CPNE8: variants seen among roughly 807,000 people sequenced by gnomAD.
CPNE8 encodes copine-8.
CPNE8 carries 45 observed loss-of-function variants against 81.5 expected under a neutral mutation model. That is an observed-to-expected ratio of 0.55 (90% CI 0.44 to 0.71). CPNE8 has a LOEUF of 0.71. Among genes scored for constraint, CPNE8 ranks in the 30% least tolerant of loss-of-function variants. CPNE8 has a pLI of 0.00. For missense variants in CPNE8, 594 were observed against 672.1 expected, an observed-to-expected ratio of 0.88 and a Z score of 1.28; for synonymous variants, 252 against 226.3, an observed-to-expected ratio of 1.11 and a Z score of -1.02.
intron 3 of CPNE8, among the ~76,000 whole-genome samples, chr12:38,869,672 A>G (rs1943962881): frequency 6.6e-6 from 1 of 152,060 alleles, no homozygotes; most frequent in African/African-American, 2.4e-5. Context: ...TCTCTCTTTA[A>G]TACTTTTCAC....
intron 11 of CPNE8, 88 bp downstream of exon 11, chr12:38,730,195 G>A (rs1183906053): frequency 1.2e-6 from 1 of 810,798 alleles, no homozygotes; most frequent in Non-Finnish European, 2.1e-6. Context: ...GTTAACCTTT[G>A]GCAATTATGC....
At chr12:38,802,791 T>A in intron 6 of CPNE8, among the ~76,000 whole-genome samples, 2 of 135,638 alleles carry the variant, frequency 1.5e-5, no homozygotes, top group African/African-American at 2.8e-5. Flanking sequence ...GAGAGAAGAA[T>A]CAAATAGACA....
chr12:38,689,086 G>A (rs1565568304), intron 15 of CPNE8, among the ~76,000 whole-genome samples: 1 of 152,068 alleles, frequency 6.6e-6, no homozygotes, highest in Non-Finnish European at 1.5e-5. Context: ...GTAAAACACA[G>A]GATTTTTTAA....
rs1388526768 is a variant in CPNE8 at position 38,685,585 on chromosome 12, G to A, written c.1176C>T (p.Gly392=). The A allele has an allele frequency of 6.2e-6, 10 of 1,613,290 alleles. No individual in the cohort carries two copies. In the East Asian group the frequency reaches 2.0e-4, roughly 32 times the overall value. Residue 392 remains glycine, a synonymous_variant, in exon 16 of 20, where the codon GGC becomes GGT. Coordinates refer to ENST00000331366, the MANE Select transcript of CPNE8 (RefSeq NM_153634.3). The part of the protein sequence containing the change: ...NGNPQNPYCD[G]IEGVMEAYYR... ...AATAAGCCTCCATGACCCCCTCAAT[G>A]CCATCACAGTAGGGGTTTTGAGGAT...
At chr12:38,658,991 T>C (rs909568173) in intron 19 of CPNE8, among the ~76,000 whole-genome samples, 12 of 152,058 alleles carry the variant, frequency 7.9e-5, no homozygotes, top group African/African-American at 2.7e-4. Flanking sequence ...ACTGCATCAA[T>C]TAATGGGCAA....
chr12:38,797,618 T>A (rs1473730253), intron 6 of CPNE8, among the ~76,000 whole-genome samples: 1 of 152,086 alleles, frequency 6.6e-6, no homozygotes, highest in African/African-American at 2.4e-5. Context: ...GCAGAAAAAC[T>A]GGAAACTCTA....
intron 3 of CPNE8, 85 bp from the exon 4 acceptor site, chr12:38,848,747 T>TA: frequency 7.1e-7 from 1 of 1,400,850 alleles, no homozygotes; most frequent in Non-Finnish European, 9.3e-7. Context: ...ACAGTTCTTT[T>TA]AAAAAACAAG....
intron 8 of CPNE8, among the ~76,000 whole-genome samples, chr12:38,764,911 G>C (rs1481158177): frequency 1.3e-5 from 2 of 152,110 alleles, no homozygotes; most frequent in African/African-American, 4.8e-5. Context: ...AGACTAGACT[G>C]AGAGACCAAC....
At chr12:38,844,324 T>C (rs977534474) in intron 4 of CPNE8, among the ~76,000 whole-genome samples, 1 of 152,182 alleles carries the variant, frequency 6.6e-6, no homozygotes, top group Non-Finnish European at 1.5e-5. Context: ...CCACACTTCC[T>C]GCTCAAACGC....
At chr12:38,819,095 C>T (rs748965420) in intron 6 of CPNE8, among the ~76,000 whole-genome samples, 1 of 152,156 alleles carries the variant, frequency 6.6e-6, no homozygotes, top group African/African-American at 2.4e-5. Context: ...CCTGTACACC[C>T]TAATGATAGT....
chr12:38,901,081 C>T (rs112714116), intron 1 of CPNE8, among the ~76,000 whole-genome samples: 2,281 of 152,150 alleles, frequency 0.015, 72 homozygotes, highest in African/African-American at 0.052. Context: ...ATTAGCTGGG[C>T]GTGGTGGTAG....
chr12:38,666,856 A>T (rs1939066888), intron 19 of CPNE8, among the ~76,000 whole-genome samples: 1 of 152,186 alleles, frequency 6.6e-6, no homozygotes, highest in African/African-American at 2.4e-5. Flanking sequence ...GACTGTGGAC[A>T]AGAGGAATTG....
intron 6 of CPNE8, among the ~76,000 whole-genome samples, chr12:38,819,766 C>CAAAAAAAA: frequency 1.5e-5 from 1 of 65,308 alleles, no homozygotes; most frequent in South Asian, 7.2e-4. Flanking sequence ...GACTCCGTCT[C>CAAAAAAAA]AAAAAAAAAA....
At chr12:38,881,257 G>C (rs988524409) in intron 1 of CPNE8, among the ~76,000 whole-genome samples, 4 of 150,772 alleles carry the variant, frequency 2.7e-5, no homozygotes, top group African/African-American at 9.8e-5. Flanking sequence ...TTACTAAAAA[G>C]CCGAAGTCAG....
chr12:38,714,814 CT>C (rs565182919), intron 13 of CPNE8, among the ~76,000 whole-genome samples: 2 of 151,972 alleles, frequency 1.3e-5, no homozygotes, highest in South Asian at 4.1e-4. Flanking sequence ...AAGTAACAAA[CT>C]AACAATCTGG....
At chr12:38,718,005 T>C (rs1940450604) in intron 13 of CPNE8, among the ~76,000 whole-genome samples, 1 of 151,956 alleles carries the variant, frequency 6.6e-6, no homozygotes, top group African/African-American at 2.4e-5. Flanking sequence ...TACCTTGAAA[T>C]ATCATACTTA....
chr12:38,815,517 T>C (rs1035323861), intron 6 of CPNE8, among the ~76,000 whole-genome samples: 10 of 152,344 alleles, frequency 6.6e-5, no homozygotes, highest in African/African-American at 2.4e-4. Context: ...TTAAAGCAGA[T>C]GCATTTATCT....
chr12:38,759,955 G>C (rs764285606), intron 10 of CPNE8, among the ~76,000 whole-genome samples: 1 of 152,110 alleles, frequency 6.6e-6, no homozygotes, highest in Non-Finnish European at 1.5e-5. Flanking sequence ...CAGGTATCCA[G>C]GCACTTTCAT....
intron 10 of CPNE8, among the ~76,000 whole-genome samples, chr12:38,739,010 A>G (rs1038541): frequency 0.81 from 122,003 of 151,328 alleles, 52,127 homozygotes; most frequent in Middle Eastern, 0.97. Context: ...ATGGGGTTTC[A>G]CCATGTGGGC....
Sources: allele counts gnomAD v4.1 joint callset (sites outside exome capture counted in the v4.1 genomes callset), GRCh38; gene constraint gnomAD v4.1.1; transcripts MANE v1.5; gene names NCBI Gene and HGNC (gene_info 2026-07-23, HGNC 2026-07-21).